SRSF1: variants seen among roughly 807,000 people sequenced by gnomAD.
The protein encoded by SRSF1 is serine/arginine-rich splicing factor 1.
Under a neutral mutation model 25.9 loss-of-function variants are expected in SRSF1, and 1 was observed. The observed-to-expected ratio is 0.04, with a 90% CI of 0.01 to 0.18. The LOEUF (loss-of-function observed/expected upper bound fraction) is 0.18, where lower values mean the gene tolerates loss of function less well. Ranked by LOEUF, SRSF1 falls within the 10% of genes least tolerant of loss-of-function variation. SRSF1 has a pLI of 1.00. For synonymous variants in SRSF1, 132 were observed against 126.2 expected, an observed-to-expected ratio of 1.05 and a Z score of -0.31; for missense variants, 65 against 350.5, an observed-to-expected ratio of 0.19 and a Z score of 6.50.
chr17:57,994,789 G>A, the SRSF1 span: 3 of 152,128 alleles, frequency 2.0e-5, no homozygotes, highest in Admixed American at 2.0e-4. Flanking sequence ...CTCTAATGTG[G>A]ACTCTCCTTA....
chr17:57,994,606 A>G, the SRSF1 span: 5 of 152,310 alleles, frequency 3.3e-5, no homozygotes, highest in South Asian at 2.1e-4. Context: ...AGTACTCGAT[A>G]TATCAAATGG....
At position 58,005,251 on chromosome 17, in the gene SRSF1, T is replaced by C. The variant is rs1410943572; in HGVS notation, c.*155A>G. On this transcript the variant is annotated 3_prime_UTR_variant, in exon 4 of 4. Coordinates refer to ENST00000258962, the MANE Select transcript of SRSF1 (RefSeq NM_006924.5). This position sits in a 1 kb window ranked among gnomAD's most constrained non-coding sequence, Gnocchi z 5.2. Reference sequence around the variant, plus strand: ...CAATTTATCAAAGACACGAAGGGAATGTAGATGTTAGGAGCAAGGGGATAT... The same window carrying C: ...CAATTTATCAAAGACACGAAGGGAACGTAGATGTTAGGAGCAAGGGGATAT... 6.8e-6 allele frequency: 5 copies of C among 732,082 alleles called. No homozygotes were observed. Among genetic ancestry groups the C allele is most frequent in the South Asian group, 5.5e-5 (3 of 54,168 alleles). 45.3% of individuals were successfully genotyped at this position (732,082 alleles called of 1,614,324 possible). A position where few individuals can be genotyped will look rare whatever the true frequency, so the allele number is the denominator to read the frequency against.
chr17:57,996,331 A>C (rs1436072194), downstream of SRSF1, among the ~76,000 whole-genome samples: 1 of 151,884 alleles, frequency 6.6e-6, no homozygotes, highest in Admixed American at 6.6e-5. Flanking sequence ...AAAAATACAA[A>C]AAATTAGCTA....
At chr17:57,997,746 T>G (rs2075370558), downstream of SRSF1, among the ~76,000 whole-genome samples, 1 of 152,198 alleles carries the variant, frequency 6.6e-6, no homozygotes, top group Non-Finnish European at 1.5e-5. Context: ...ATTTGGCAAG[T>G]AAACACATCT....
the SRSF1 span, chr17:57,991,342 G>A: frequency 6.6e-6 from 1 of 152,180 alleles, no homozygotes; most frequent in Non-Finnish European, 1.5e-5. Flanking sequence ...TAGAATCCTA[G>A]GAAAAGAAAG....
rs972789880 is a variant in SRSF1 at position 58,007,215 on chromosome 17, C to T, written c.-78G>A. On this transcript the variant is annotated 5_prime_UTR_variant, in exon 1 of 4. Coordinates refer to ENST00000258962, the MANE Select transcript of SRSF1 (RefSeq NM_006924.5). ...GCACGGCAGAGCGAGCCCGCAGCGGCACCACGTCTCCCGCGGCCCCTCCAA... is the reference window on the plus strand; with the variant it reads ...GCACGGCAGAGCGAGCCCGCAGCGGTACCACGTCTCCCGCGGCCCCTCCAA... The T allele has an allele frequency of 1.2e-5, 18 of 1,542,870 alleles. No individual in the cohort carries two copies. Among genetic ancestry groups the T allele is most frequent in the African/African-American group, 6.8e-5 (5 of 73,702 alleles).
At chr17:58,006,208 A>G in intron 2 of SRSF1, 135 bp downstream of exon 2, 1 of 1,190,972 alleles carries the variant, frequency 8.4e-7, no homozygotes, top group Non-Finnish European at 1.2e-6. Context: ...ATCCTCGTTT[A>G]TTAAATTCAC....
chr17:57,995,777 C>T, the SRSF1 span, among the ~76,000 whole-genome samples: 1 of 152,312 alleles, frequency 6.6e-6, no homozygotes, highest in Admixed American at 6.5e-5. Flanking sequence ...TGGGCCTGCC[C>T]CTTTAACATC....
At chr17:57,995,641 A>T in the SRSF1 span, among the ~76,000 whole-genome samples, 1 of 152,242 alleles carries the variant, frequency 6.6e-6, no homozygotes. Context: ...TAGATATTAC[A>T]GGTGTTTCTC....
At chr17:57,996,490 A>AAAAAC (rs1555574736), downstream of SRSF1, among the ~76,000 whole-genome samples, 2 of 150,666 alleles carry the variant, frequency 1.3e-5, no homozygotes, top group Admixed American at 6.6e-5. Flanking sequence ...TCTTAAAAAA[A>AAAAAC]AAAAAAAAAA....
At chr17:58,000,152 T>A (rs2075380772), downstream of SRSF1, among the ~76,000 whole-genome samples, 2 of 152,192 alleles carry the variant, frequency 1.3e-5, no homozygotes. Context: ...GAGTGATTTT[T>A]ATAATAATTA....
chr17:57,992,472 GTAAAAAA>G, the SRSF1 span: 1 of 151,696 alleles, frequency 6.6e-6, no homozygotes, highest in Non-Finnish European at 1.5e-5. Context: ...AGTAAAAGTA[GTAAAAAA>G]TAAAAAATTA....
In SRSF1 at chr17:58,001,257, C is replaced by T. The variant is rs1313045286; in HGVS notation, c.*4149G>A. 2.0e-5 allele frequency among the ~76,000 whole-genome samples: 3 copies of T among 152,094 alleles called. No homozygotes were observed. The highest frequency in any genetic ancestry group is 7.2e-5 in the African/African-American group (3 of 41,426). On this transcript the variant is annotated 3_prime_UTR_variant, in exon 4 of 4. Coordinates refer to ENST00000258962, the MANE Select transcript of SRSF1 (RefSeq NM_006924.5). ...AATGACCAAGACAATGTTTCAAAGACAACAAACACCAAGAAAAGTTGAGAT... is the reference window on the plus strand; with the variant it reads ...AATGACCAAGACAATGTTTCAAAGATAACAAACACCAAGAAAAGTTGAGAT...
downstream of SRSF1, among the ~76,000 whole-genome samples, chr17:57,997,006 T>C (rs2075368034): frequency 1.3e-5 from 2 of 152,116 alleles, no homozygotes; most frequent in South Asian, 4.1e-4. Flanking sequence ...ATTGAGGCAA[T>C]ACCACTAAAT....
At position 58,007,228 on chromosome 17, in the gene SRSF1, G is replaced by C. The variant is rs985401171; in HGVS notation, c.-91C>G. The C allele has an allele frequency of 6.7e-7, 1 of 1,483,248 alleles. No homozygotes were observed. The highest frequency in any genetic ancestry group is 1.2e-5 in the South Asian group (1 of 82,726). 91.9% of individuals were successfully genotyped at this position (1,483,248 alleles called of 1,614,324 possible). ...AGCCCGCAGCGGCACCACGTCTCCC[G>C]CGGCCCCTCCAAAATGGCGCCTTTA... On this transcript the variant is annotated 5_prime_UTR_variant, in exon 1 of 4. Transcript: ENST00000258962.
In SRSF1 at chr17:58,005,099, C is replaced by A. The variant is rs900467933; in HGVS notation, c.*307G>T. The A allele has an allele frequency of 8.7e-6, 4 of 462,166 alleles. No individual in the cohort carries two copies. Among genetic ancestry groups the A allele is most frequent in the African/African-American group, 8.0e-5 (4 of 50,176 alleles). The allele number at this position is 462,166 out of a possible 1,614,324, so 28.6% of individuals were successfully genotyped here. On this transcript the variant is annotated 3_prime_UTR_variant, in exon 4 of 4. Transcript: ENST00000258962. The surrounding 1 kb of genome is among the most constrained non-coding windows in gnomAD (Gnocchi z 5.2). ...ATAAGAACTTCCCCAGGTAAGATAA[C>A]CACAAACACCCCCAACATCCCAGTT... is the stretch of plus-strand genomic sequence containing the variant.
chr17:58,004,878 C>A lies in SRSF1; in HGVS notation c.*528G>T, dbSNP rs949192002. 2.5e-6 allele frequency: 1 copy of A among 399,676 alleles called. No homozygotes were observed. The highest frequency in any genetic ancestry group is 1.3e-4 in the South Asian group (1 of 7,826). The allele number at this position is 399,676 out of a possible 1,614,324, so 24.8% of individuals were successfully genotyped here. A position where few individuals can be genotyped will look rare whatever the true frequency, so the allele number is the denominator to read the frequency against. Reference sequence around the variant, plus strand: ...TAACCCCTGCCTTTTAGTATAAGGTCAATACTGCCAATTTCATCTGTGACA... The same window carrying A: ...TAACCCCTGCCTTTTAGTATAAGGTAAATACTGCCAATTTCATCTGTGACA... On this transcript the variant is annotated 3_prime_UTR_variant, in exon 4 of 4. Coordinates refer to ENST00000258962, the MANE Select transcript of SRSF1 (RefSeq NM_006924.5).
downstream of SRSF1, among the ~76,000 whole-genome samples, chr17:57,998,912 A>T (rs965633876): frequency 3.3e-5 from 5 of 152,336 alleles, no homozygotes; most frequent in Non-Finnish European, 7.4e-5. Flanking sequence ...TATGGGCCTA[A>T]AAGGTTTAGT....
At chr17:57,992,215 A>T in the SRSF1 span, 1 of 152,242 alleles carries the variant, frequency 6.6e-6, no homozygotes, top group Non-Finnish European at 1.5e-5. Context: ...TCGCAAGTAA[A>T]ATAGCATAGA....
Sources: gnomAD v4.1 joint callset for allele counts (sites outside exome capture counted in the v4.1 genomes callset) on GRCh38, gnomAD v4.1.1 for gene constraint, Gnocchi (gnomAD v3.1) non-coding constraint, MANE v1.5 for transcripts, NCBI Gene and HGNC (gene_info 2026-07-23, HGNC 2026-07-21) for gene names.